EYS: variants seen among roughly 807,000 people sequenced by gnomAD.
EYS encodes the protein protein eyes shut homolog.
EYS carries 250 observed loss-of-function variants against 282.1 expected under a neutral mutation model. The observed-to-expected ratio is 0.89, with a 90% CI of 0.80 to 0.98. The LOEUF is 0.98. Among genes scored for constraint, EYS ranks in the 50% least tolerant of loss-of-function variants. The pLI, the probability that EYS is intolerant of heterozygous loss-of-function variation, is 0.00. For synonymous variants in EYS, 1,355 were observed against 1,282.9 expected (o/e 1.06, Z -1.20); for missense variants, 4,016 against 3,709.0 (o/e 1.08, Z -2.15).
chr6:64,139,737 G>A (rs1774277739), intron 31 of EYS, among the ~76,000 whole-genome samples: 2 of 152,032 alleles, frequency 1.3e-5, no homozygotes, highest in Non-Finnish European at 2.9e-5. Flanking sequence ...TTGGGAGGCC[G>A]AGGTGGAAGG....
chr6:64,322,486 A>T (rs1324281620), intron 29 of EYS, among the ~76,000 whole-genome samples: 1 of 152,066 alleles, frequency 6.6e-6, no homozygotes, highest in Non-Finnish European at 1.5e-5. Context: ...ATAGGGAACT[A>T]CCACGGAAGC....
At chr6:63,937,340 CTTTTCTTTTTTTTTTTTT>C (rs1765090075) in intron 35 of EYS, among the ~76,000 whole-genome samples, 1 of 46,046 alleles carries the variant, frequency 2.2e-5, no homozygotes, top group Admixed American at 2.9e-4. Context: ...AGGCTTCTCT[CTTTTCTTTTTTTTTTTTT>C]TTTTTTTTTT....
intron 12 of EYS, among the ~76,000 whole-genome samples, chr6:65,292,825 T>C (rs1011871010): frequency 6.6e-6 from 1 of 151,664 alleles, no homozygotes; most frequent in African/African-American, 2.4e-5. Context: ...TTTAAACAGT[T>C]TTGTGTTGCC....
chr6:65,038,636 A>C (rs997037643), intron 13 of EYS, among the ~76,000 whole-genome samples: 4 of 151,520 alleles, frequency 2.6e-5, no homozygotes, highest in African/African-American at 9.7e-5. Context: ...TTTTAAATAT[A>C]ATCTGCAAAA....
intron 31 of EYS, among the ~76,000 whole-genome samples, chr6:64,217,372 T>C (rs1765964172): frequency 6.6e-6 from 1 of 151,988 alleles, no homozygotes; most frequent in South Asian, 2.1e-4. Context: ...CTACTAAAAA[T>C]ACAAAAATTA....
chr6:64,675,428 C>CTTTCT, intron 22 of EYS, among the ~76,000 whole-genome samples: 1 of 114,648 alleles, frequency 8.7e-6, no homozygotes, highest in East Asian at 2.6e-4. Context: ...CTTTTTTTTT[C>CTTTCT]TTTTTTTTTT....
At position 65,686,893 on chromosome 6, in the gene EYS, G is replaced by A. The variant is rs556291915; in HGVS notation, c.-448+20242C>T. Among the ~76,000 whole-genome samples the A allele has an allele frequency of 1.1e-4, 16 of 151,948 alleles. No individual in the cohort carries two copies. In the South Asian group the frequency reaches 2.7e-3, roughly 26 times the overall value. ...TGGAAGCTAGAATTGATGGGGCTTG[G>A]TGACAACATGAAAAATTGAAAGGGA... On this transcript the variant is annotated intron_variant, in intron 1 of 42. Transcript: ENST00000503581.
chr6:64,997,032 C>T (rs1204216921), intron 14 of EYS, among the ~76,000 whole-genome samples: 1 of 152,040 alleles, frequency 6.6e-6, no homozygotes, highest in Non-Finnish European at 1.5e-5. Flanking sequence ...CGGAGGGGAT[C>T]CCAAATCAAT....
intron 11 of EYS, among the ~76,000 whole-genome samples, chr6:65,306,576 G>A (rs1476747015): frequency 2.6e-5 from 4 of 151,574 alleles, no homozygotes; most frequent in Non-Finnish European, 5.9e-5. Context: ...ATTAGTCAAT[G>A]TTTCGTGTTC....
In EYS at chr6:65,232,627, G is replaced by C. The variant is rs114405916; in HGVS notation, c.2023+63236C>G. The stretch of plus-strand genomic sequence containing the variant: ...ATTAACAGCTTAAGATCTGGCATTT[G>C]TCACAATTAATGAAAATAGTGATTT... On this transcript the variant is annotated intron_variant, in intron 12 of 42. Transcript: ENST00000503581. 7.6e-3 allele frequency among the ~76,000 whole-genome samples: 1,155 copies of C among 152,154 alleles called. 19 individuals carry two copies. Among genetic ancestry groups the C allele is most frequent in the African/African-American group, 0.026 (1,080 of 41,532 alleles).
intron 22 of EYS, among the ~76,000 whole-genome samples, chr6:64,682,087 G>A (rs1889500): frequency 0.11 from 17,078 of 152,154 alleles, 1,161 homozygotes; most frequent in East Asian, 0.3. Flanking sequence ...GGGCTATATT[G>A]CATTCTACCT....
intron 10 of EYS, among the ~76,000 whole-genome samples, chr6:65,343,531 G>A (rs527303599): frequency 4.6e-5 from 7 of 151,180 alleles, no homozygotes; most frequent in Admixed American, 2.6e-4. Flanking sequence ...GATAAAAGGA[G>A]GGCCTCTCTT....
At position 65,353,634 on chromosome 6, in the gene EYS, A is replaced by C. The variant is rs1025921404; in HGVS notation, c.1300-17T>G. The C allele has an allele frequency of 1.3e-5, 21 of 1,605,160 alleles. No homozygotes were observed. In the African/African-American group the frequency reaches 2.3e-4, roughly 17 times the overall value. ...GCATACATACTGCAAAAAGGAAACA[A>C]GGAAAAATGGTAAATTCTTTTTTGA... On this transcript the variant is annotated splice_polypyrimidine_tract_variant and intron_variant, in intron 8 of 42. Transcript: ENST00000503581.
At chr6:64,804,863 A>G (rs1764379423) in intron 22 of EYS, among the ~76,000 whole-genome samples, 1 of 152,000 alleles carries the variant, frequency 6.6e-6, no homozygotes, top group South Asian at 2.1e-4. Flanking sequence ...GAATGGACAC[A>G]ATCATCCTAT....
At chr6:64,864,473 A>G (rs1423023267) in intron 19 of EYS, among the ~76,000 whole-genome samples, 2 of 142,074 alleles carry the variant, frequency 1.4e-5, no homozygotes, top group Non-Finnish European at 3.0e-5. Flanking sequence ...GCAACCTCCA[A>G]CTCCCTGGTT....
intron 32 of EYS, among the ~76,000 whole-genome samples, chr6:64,076,428 G>A (rs2149864009): frequency 6.6e-6 from 1 of 151,974 alleles, no homozygotes; most frequent in Non-Finnish European, 1.5e-5. Context: ...AGGTTAATAT[G>A]GTTTGGCTGT....
intron 30 of EYS, among the ~76,000 whole-genome samples, chr6:64,246,933 G>A (rs989215974): frequency 2.6e-5 from 4 of 152,022 alleles, no homozygotes; most frequent in Non-Finnish European, 5.9e-5. Flanking sequence ...TTTGACTAAT[G>A]CTATATTTTT....
chr6:64,424,150 A>T (rs1774325875), intron 28 of EYS, among the ~76,000 whole-genome samples: 1 of 152,180 alleles, frequency 6.6e-6, no homozygotes, highest in Non-Finnish European at 1.5e-5. Flanking sequence ...TGAGTTAATG[A>T]TTTTATCTAT....
chr6:64,965,079 G>A (rs182599713), intron 14 of EYS, among the ~76,000 whole-genome samples: 2 of 152,144 alleles, frequency 1.3e-5, no homozygotes, highest in East Asian at 3.9e-4. Context: ...TTACCCTCAT[G>A]CCCAAGGGTA....
Sources: allele counts gnomAD v4.1 joint callset (sites outside exome capture counted in the v4.1 genomes callset), GRCh38; gene constraint gnomAD v4.1.1; transcripts MANE v1.5; gene names NCBI Gene and HGNC (gene_info 2026-07-23, HGNC 2026-07-21).